NTM: variants seen among roughly 807,000 people sequenced by gnomAD.
NTM encodes IgLON family member 2.
In NTM, 13 loss-of-function variants were observed where a neutral mutation model predicts 42.1. The ratio of observed to expected loss-of-function variants is 0.31; its 90% confidence interval spans 0.20 to 0.49. The LOEUF is 0.49. Among genes scored for constraint, NTM ranks in the 20% least tolerant of loss-of-function variants. The pLI is 0.99. For missense variants in NTM, 373 were observed against 452.8 expected (o/e 0.82, Z 1.60); for synonymous variants, 187 against 179.2 (o/e 1.04, Z -0.35).
intron 7 of NTM, among the ~76,000 whole-genome samples, chr11:132,325,103 G>A (rs1326639834): frequency 2.0e-5 from 3 of 152,006 alleles, no homozygotes; most frequent in African/African-American, 7.3e-5. Context: ...TCAGGACATA[G>A]GCGTGGGCAA....
intron 2 of NTM, among the ~76,000 whole-genome samples, chr11:132,082,599 C>G (rs1316118604): frequency 6.6e-6 from 1 of 152,218 alleles, no homozygotes; most frequent in African/African-American, 2.4e-5. Flanking sequence ...TCTGGAGACT[C>G]CTCCCTATTT....
chr11:131,712,851 G>T (rs2077315874), intron 1 of NTM, among the ~76,000 whole-genome samples: 1 of 151,984 alleles, frequency 6.6e-6, no homozygotes, highest in African/African-American at 2.4e-5. Flanking sequence ...CCAAATTCCT[G>T]GGAGCCATGG....
Position 131,795,897 on chromosome 11 carries a change from A to C in NTM, c.83-115667A>C, listed in dbSNP as rs988543065. ...AGACCGCCTGCCTTGTCTAGTGTGG[A>C]GGGATCACTTTATTGGAGTAAGCGA... On this transcript the variant is annotated intron_variant, in intron 1 of 8. Coordinates refer to ENST00000683400, the MANE Select transcript of NTM (RefSeq NM_001352005.2). 19 of 979,940 alleles carry C rather than the reference A, an allele frequency of 1.9e-5. No homozygotes were observed. In the African/African-American group the frequency reaches 3.0e-4, roughly 15 times the overall value. The allele number at this position is 979,940 out of a possible 1,614,324, so 60.7% of individuals were successfully genotyped here.
chr11:131,442,142 T>A (rs1226487058), intron 1 of NTM, among the ~76,000 whole-genome samples: 1 of 152,218 alleles, frequency 6.6e-6, no homozygotes, highest in Non-Finnish European at 1.5e-5. Flanking sequence ...GAGCCTTAAC[T>A]GAGCATCCAG....
At chr11:131,415,272 G>A (rs954263184) in intron 1 of NTM, among the ~76,000 whole-genome samples, 2 of 152,022 alleles carry the variant, frequency 1.3e-5, no homozygotes, top group Non-Finnish European at 2.9e-5. Flanking sequence ...CAGATGAAGT[G>A]AGTTTGCTCT....
chr11:131,391,856 G>A (rs1041948081), intron 1 of NTM, among the ~76,000 whole-genome samples: 5 of 152,042 alleles, frequency 3.3e-5, no homozygotes, highest in Admixed American at 2.0e-4. Flanking sequence ...AAGCCAGGGA[G>A]GGAGTAGCGG....
Position 131,873,532 on chromosome 11 carries a change from G to GTT in NTM, c.83-38031_83-38030insTT, listed in dbSNP as rs1378003623. On this transcript the variant is annotated intron_variant, in intron 1 of 8. Transcript: ENST00000683400. The stretch of plus-strand genomic sequence containing the variant: ...ATCCCAGAACTTAAAGTGTGTGTGT[G>GTT]TGTGTGTATATATATACATATATAT... Among the ~76,000 whole-genome samples, 5 of 134,582 alleles carry GTT rather than the reference G, an allele frequency of 3.7e-5. 1 individual carries two copies. Among genetic ancestry groups the GTT allele is most frequent in the African/African-American group, 1.6e-4 (5 of 31,536 alleles). 88.3% of individuals were successfully genotyped at this position (134,582 alleles called of 152,430 possible). A position where few individuals can be genotyped will look rare whatever the true frequency, so the allele number is the denominator to read the frequency against.
intron 1 of NTM, among the ~76,000 whole-genome samples, chr11:131,483,559 G>A (rs149207233): frequency 1.3e-5 from 2 of 152,356 alleles, no homozygotes; most frequent in East Asian, 1.9e-4. Context: ...AAGTTCTTAA[G>A]GAGAGGCGGG....
At chr11:131,375,593 T>A (rs1310419324) in intron 1 of NTM, among the ~76,000 whole-genome samples, 1 of 152,068 alleles carries the variant, frequency 6.6e-6, no homozygotes, top group Non-Finnish European at 1.5e-5. Flanking sequence ...ATGCCTCCCA[T>A]CCCTTTGCAA....
Position 131,742,955 on chromosome 11 carries a change from C to T in NTM, c.83-168609C>T, listed in dbSNP as rs552961972. The stretch of plus-strand genomic sequence containing the variant: ...GGGCCTCTTAAGGTTGACATGAGCG[C>T]CCAATAGATTCAACTTCACTTTTAT... On this transcript the variant is annotated intron_variant, in intron 1 of 8. Transcript: ENST00000683400. Among the ~76,000 whole-genome samples, 3 of 152,250 alleles carry T rather than the reference C, an allele frequency of 2.0e-5. No individual in the cohort carries two copies. The South Asian group carries it at 6.2e-4, about 32-fold the overall frequency.
chr11:131,497,146 G>A (rs111260534), intron 1 of NTM, among the ~76,000 whole-genome samples: 3,684 of 152,206 alleles, frequency 0.024, 138 homozygotes, highest in African/African-American at 0.082. Context: ...CTGTCTATCC[G>A]TGCCCCTAGC....
chr11:131,627,248 G>T (rs2063210745), intron 1 of NTM, among the ~76,000 whole-genome samples: 1 of 151,496 alleles, frequency 6.6e-6, no homozygotes, highest in Non-Finnish European at 1.5e-5. Flanking sequence ...GGGTTTGGGG[G>T]TATGGGGAAG....
At chr11:132,312,368 G>C (rs565112354) in intron 6 of NTM, 1 of 152,234 alleles carries the variant, frequency 6.6e-6, no homozygotes, top group African/African-American at 2.4e-5. Flanking sequence ...TCAACTGCAC[G>C]CTATTGTATG....
chr11:131,428,382 A>G (rs1948357409), intron 1 of NTM, among the ~76,000 whole-genome samples: 1 of 152,188 alleles, frequency 6.6e-6, no homozygotes, highest in South Asian at 2.1e-4. Context: ...CTACACTTGC[A>G]TATTTCCTCC....
chr11:132,294,433 A>G (rs1221756503), intron 4 of NTM, among the ~76,000 whole-genome samples: 1 of 152,126 alleles, frequency 6.6e-6, no homozygotes, highest in African/African-American at 2.4e-5. Context: ...TCTGAAGTTG[A>G]GATTTAGAAC....
intron 1 of NTM, among the ~76,000 whole-genome samples, chr11:131,773,707 T>C (rs1430545412): frequency 1.3e-5 from 2 of 152,246 alleles, no homozygotes; most frequent in Non-Finnish European, 2.9e-5. Context: ...GTATGGCTAA[T>C]ACGTTGCTTC....
intron 1 of NTM, among the ~76,000 whole-genome samples, chr11:131,489,719 C>T (rs1197714478): frequency 6.6e-6 from 1 of 152,188 alleles, no homozygotes; most frequent in East Asian, 1.9e-4. Flanking sequence ...GCTCCTCTCT[C>T]CTTTGCAATG....
intron 1 of NTM, among the ~76,000 whole-genome samples, chr11:131,641,107 G>A (rs1220846458): frequency 6.6e-6 from 1 of 152,156 alleles, no homozygotes; most frequent in African/African-American, 2.4e-5. Context: ...TGTCGACACT[G>A]ACACTGGTTC....
At chr11:131,486,356 G>A (rs1546587) in intron 1 of NTM, among the ~76,000 whole-genome samples, 14,741 of 152,124 alleles carry the variant, frequency 0.097, 1,248 homozygotes, top group East Asian at 0.45. Flanking sequence ...AGGACACCAC[G>A]TTGTACAAGA....
Sources: allele counts gnomAD v4.1 joint callset (sites outside exome capture counted in the v4.1 genomes callset), GRCh38; gene constraint gnomAD v4.1.1; transcripts MANE v1.5; gene names NCBI Gene and HGNC (gene_info 2026-07-23, HGNC 2026-07-21).